Variants in EXOC6B observed in about 807,000 individuals in gnomAD.
The protein encoded by EXOC6B is exocyst complex component 6B.
In EXOC6B, 54 loss-of-function variants were observed where a neutral mutation model predicts 113.5. That is an observed-to-expected ratio of 0.48 (90% CI 0.38 to 0.60). The LOEUF (loss-of-function observed/expected upper bound fraction) is 0.60, where lower values mean the gene tolerates loss of function less well. Ranked by LOEUF, EXOC6B falls within the 20% of genes least tolerant of loss-of-function variation. EXOC6B has a pLI of 0.00. For missense variants in EXOC6B, 797 were observed against 977.5 expected (o/e 0.82, Z 2.46); for synonymous variants, 357 against 339.0 (o/e 1.05, Z -0.58).
chr2:72,371,454 T>C (rs1691011469), intron 19 of EXOC6B, among the ~76,000 whole-genome samples: 2 of 152,140 alleles, frequency 1.3e-5, no homozygotes, highest in African/African-American at 4.8e-5. Context: ...ACTAGCAAAC[T>C]GAATTCAACA....
At chr2:72,394,441 C>T (rs374232904) in intron 18 of EXOC6B, among the ~76,000 whole-genome samples, 2 of 152,022 alleles carry the variant, frequency 1.3e-5, no homozygotes, top group Non-Finnish European at 2.9e-5. Context: ...CTGGGTGACC[C>T]TCATTACATC....
intron 11 of EXOC6B, among the ~76,000 whole-genome samples, chr2:72,512,346 AGG>A (rs1281032397): frequency 0.031 from 397 of 12,630 alleles, 10 homozygotes; most frequent in African/African-American, 0.062. Flanking sequence ...GAAGGAAGGA[AGG>A]AAGGAAGGAA....
At chr2:72,359,635 A>C (rs1007997845) in intron 19 of EXOC6B, among the ~76,000 whole-genome samples, 7 of 152,226 alleles carry the variant, frequency 4.6e-5, no homozygotes, top group African/African-American at 1.7e-4. Flanking sequence ...TGCCAAACAA[A>C]AGAGAAAGTA....
At chr2:72,184,240 C>T in intron 20 of EXOC6B, 53 bp from the exon 21 acceptor site, 7 of 913,812 alleles carry the variant, frequency 7.7e-6, no homozygotes, top group Non-Finnish European at 1.2e-5. Context: ...ACAAGACAAA[C>T]CAAGATTCCA....
At chr2:72,200,132 G>T (rs1352284667) in intron 20 of EXOC6B, among the ~76,000 whole-genome samples, 1 of 152,026 alleles carries the variant, frequency 6.6e-6, no homozygotes, top group African/African-American at 2.4e-5. Flanking sequence ...CCTGACCTCA[G>T]GTGATCCGCC....
chr2:72,481,080 A>T (rs887137109), intron 16 of EXOC6B, among the ~76,000 whole-genome samples: 7 of 152,098 alleles, frequency 4.6e-5, no homozygotes, highest in African/African-American at 1.7e-4. Flanking sequence ...GTTCTCACAG[A>T]TTTGATGGTT....
intron 18 of EXOC6B, among the ~76,000 whole-genome samples, chr2:72,389,203 G>C (rs1266762040): frequency 6.6e-6 from 1 of 151,426 alleles, no homozygotes; most frequent in East Asian, 1.9e-4. Context: ...TTCCACTTTT[G>C]ACTTAATAGT....
intron 6 of EXOC6B, among the ~76,000 whole-genome samples, chr2:72,653,609 AAAAG>A (rs937344944): frequency 1.3e-4 from 18 of 138,274 alleles, no homozygotes; most frequent in African/African-American, 4.9e-4. Flanking sequence ...CCCCCCCCCA[AAAAG>A]AAAGAAAGAA....
chr2:72,621,401 G>C (rs1671735751), intron 6 of EXOC6B, among the ~76,000 whole-genome samples: 1 of 152,020 alleles, frequency 6.6e-6, no homozygotes. Context: ...AACTGATGCA[G>C]GAACAGAAAA....
chr2:72,780,786 A>G (rs750845500), intron 1 of EXOC6B, among the ~76,000 whole-genome samples: 47 of 152,206 alleles, frequency 3.1e-4, no homozygotes, highest in Admixed American at 4.6e-4. Flanking sequence ...AGAATTCAAC[A>G]GCAGCTATAC....
intron 20 of EXOC6B, among the ~76,000 whole-genome samples, chr2:72,309,128 G>T (rs1338203632): frequency 6.6e-6 from 1 of 152,046 alleles, no homozygotes; most frequent in East Asian, 1.9e-4. Flanking sequence ...AAATTGCCCT[G>T]AAGTCTTCCT....
intron 18 of EXOC6B, among the ~76,000 whole-genome samples, chr2:72,409,461 C>G (rs1344691188): frequency 6.6e-6 from 1 of 152,142 alleles, no homozygotes; most frequent in Non-Finnish European, 1.5e-5. Context: ...AGACTTGGAA[C>G]CAACCCAAAT....
At chr2:72,490,426 A>T (rs1378390600) in intron 16 of EXOC6B, among the ~76,000 whole-genome samples, 1 of 152,126 alleles carries the variant, frequency 6.6e-6, no homozygotes, top group Non-Finnish European at 1.5e-5. Context: ...AATGTTACCT[A>T]TTATGATGAT....
chr2:72,730,866 G>T, intron 5 of EXOC6B, 141 bp downstream of exon 5: 1 of 552,766 alleles, frequency 1.8e-6, no homozygotes, highest in South Asian at 2.9e-5. Context: ...AATAAATCTA[G>T]AATGAATCAA....
At chr2:72,492,615 G>A (rs1271408609) in intron 15 of EXOC6B, among the ~76,000 whole-genome samples, 186 bp from the exon 16 acceptor site, 1 of 151,338 alleles carries the variant, frequency 6.6e-6, no homozygotes, top group East Asian at 1.9e-4. Context: ...AAAAAAAATA[G>A]TTTGCCTTCA....
intron 19 of EXOC6B, among the ~76,000 whole-genome samples, chr2:72,351,915 A>G (rs941213031): frequency 6.6e-6 from 1 of 152,024 alleles, no homozygotes; most frequent in Admixed American, 6.6e-5. Flanking sequence ...ACCCCACTTC[A>G]TTTCACCCTA....
intron 19 of EXOC6B, among the ~76,000 whole-genome samples, chr2:72,378,695 A>G (rs960825087): frequency 2.6e-5 from 4 of 152,224 alleles, no homozygotes; most frequent in Non-Finnish European, 5.9e-5. Context: ...AAGGAAACTA[A>G]TAAGTAGTAA....
chr2:72,499,828 CCAGTCAAGAAAAAGGTTTAGA>C, intron 12 of EXOC6B, 52 bp downstream of exon 12: 1 of 1,043,782 alleles, frequency 9.6e-7, no homozygotes, highest in Non-Finnish European at 1.4e-6. Flanking sequence ...GCCACCAGAC[CCAGTCAAGAAAAAGGTTTAGA>C]GCTGATTATA....
intron 18 of EXOC6B, among the ~76,000 whole-genome samples, chr2:72,426,084 A>G (rs2105280604): frequency 6.6e-6 from 1 of 152,302 alleles, no homozygotes; most frequent in East Asian, 1.9e-4. Flanking sequence ...AACATTTCCA[A>G]GTAGTTTTTA....
Sources: allele counts gnomAD v4.1 joint callset (sites outside exome capture counted in the v4.1 genomes callset), GRCh38; gene constraint gnomAD v4.1.1; transcripts MANE v1.5; gene names NCBI Gene and HGNC (gene_info 2026-07-23, HGNC 2026-07-21).